The following TTC1 variants were observed in gnomAD, a reference collection of about 807,000 sequenced individuals.
TTC1 encodes the protein tetratricopeptide repeat protein 1.
Under a neutral mutation model 37.6 loss-of-function variants are expected in TTC1, and 31 were observed. The ratio of observed to expected loss-of-function variants is 0.82; its 90% CI spans 0.62 to 1.11. TTC1 has a LOEUF of 1.11. TTC1 is among the 50% of genes most tolerant of loss of function. The pLI, the probability that TTC1 is intolerant of heterozygous loss-of-function variation, is 0.00. For synonymous variants in TTC1, 127 were observed against 122.4 expected (o/e 1.04, Z -0.25); for missense variants, 351 against 339.0 (o/e 1.04, Z -0.28).
chr5:160,042,894 T>C (rs1757125302), intron 4 of TTC1, among the ~76,000 whole-genome samples: 1 of 152,194 alleles, frequency 6.6e-6, no homozygotes. Flanking sequence ...CAAAAGACAC[T>C]TTCAGAAAAA....
At chr5:160,034,643 A>G (rs1009357031) in intron 2 of TTC1, among the ~76,000 whole-genome samples, 17 of 152,170 alleles carry the variant, frequency 1.1e-4, no homozygotes, top group African/African-American at 3.6e-4. Context: ...AGCTTTATGT[A>G]TATTATGACA....
rs113708143 is a variant in TTC1, at chr5:160,046,270, C to T, written c.541+3101C>T. ...GCAGTTTCATCTTGCTCAATTTAGT[C>T]GTTGCTTCTCTAGCCTAACTTTACT... On this transcript the variant is annotated intron_variant, in intron 5 of 7. Coordinates refer to ENST00000231238, the MANE Select transcript of TTC1 (RefSeq NM_003314.3). 8.8e-3 allele frequency among the ~76,000 whole-genome samples: 1,338 copies of T among 152,284 alleles called. 19 individuals carry two copies. Among genetic ancestry groups the T allele is most frequent in the African/African-American group, 0.031 (1,271 of 41,542 alleles).
rs1256413317 is a variant in TTC1, at chr5:160,010,519, A to G, written c.-10A>G. 5.6e-6 allele frequency: 9 copies of G among 1,607,028 alleles called. No homozygotes were observed. Among genetic ancestry groups the G allele is most frequent in the Non-Finnish European group, 6.0e-6 (7 of 1,174,776 alleles). On this transcript the variant is annotated 5_prime_UTR_variant, in exon 2 of 8. Transcript: ENST00000231238. ...CCCCAGCTTTAGCGTCACCTCCCTC[A>G]CTGGGCAGCATGGGGGAGAAGTCAG...
intron 4 of TTC1, among the ~76,000 whole-genome samples, chr5:160,039,867 G>A (rs540205884): frequency 6.6e-6 from 1 of 152,260 alleles, no homozygotes; most frequent in African/African-American, 2.4e-5. Context: ...ATAAAAAAAG[G>A]TCCCAGATGA....
At position 160,057,792 on chromosome 5, in the gene TTC1, CAG is replaced by C. The variant is rs1757581152; in HGVS notation, c.745+6612_745+6613del. Among the ~76,000 whole-genome samples, 1 of 152,124 alleles carries C rather than the reference CAG, an allele frequency of 6.6e-6. No individual in the cohort carries two copies. The highest frequency in any genetic ancestry group is 2.4e-5 in the African/African-American group (1 of 41,430). On this transcript the variant is annotated intron_variant, in intron 7 of 7. Transcript: ENST00000231238. This position sits in a 1 kb window ranked among gnomAD's most constrained non-coding sequence, Gnocchi z 4.4. ...TGTGCGTGTGTGTGTGTGTGTGACA[CAG>C]AGCCTCATTCTGTCGCCAGGCTGGA... is the stretch of plus-strand genomic sequence containing the variant.
At chr5:160,030,499 G>A (rs1756890227) in intron 2 of TTC1, among the ~76,000 whole-genome samples, 1 of 152,196 alleles carries the variant, frequency 6.6e-6, no homozygotes, top group African/African-American at 2.4e-5. Flanking sequence ...CAAATGAGCT[G>A]ATGTATGTGA....
chr5:160,029,337 C>T (rs1756864754), intron 2 of TTC1, among the ~76,000 whole-genome samples: 1 of 151,944 alleles, frequency 6.6e-6, no homozygotes, highest in Non-Finnish European at 1.5e-5. Flanking sequence ...AACACTATTC[C>T]ACACTAAAAG....
intron 7 of TTC1, among the ~76,000 whole-genome samples, chr5:160,051,816 T>C (rs1214825150): frequency 6.6e-6 from 1 of 152,252 alleles, no homozygotes; most frequent in African/African-American, 2.4e-5. Flanking sequence ...CTTAAGTCTT[T>C]TCCACATGTA....
chr5:160,062,278 TG>T (rs2113423346), intron 7 of TTC1, among the ~76,000 whole-genome samples: 1 of 152,350 alleles, frequency 6.6e-6, no homozygotes, highest in South Asian at 2.1e-4. Flanking sequence ...ATGGTCTTTC[TG>T]CACTAGAGGG....
intron 7 of TTC1, among the ~76,000 whole-genome samples, chr5:160,052,997 CATGA>C (rs1320819036): frequency 6.6e-6 from 1 of 152,072 alleles, no homozygotes; most frequent in Non-Finnish European, 1.5e-5. Context: ...GTATAAAAAT[CATGA>C]ATAAGATACT....
chr5:160,045,275 AAGG>A (rs1561634528), intron 5 of TTC1, among the ~76,000 whole-genome samples: 1 of 152,128 alleles, frequency 6.6e-6, no homozygotes, highest in Admixed American at 6.6e-5. Flanking sequence ...AAATGAGGGA[AAGG>A]AGAAGAAAGT....
rs1273412402 is a variant in TTC1, at chr5:160,010,414, T to G, written c.-29-86T>G. 33 of 783,826 alleles carry G rather than the reference T, an allele frequency of 4.2e-5. No individual in the cohort carries two copies. In the East Asian group the frequency reaches 8.6e-4, roughly 21 times the overall value. The allele number at this position is 783,826 out of a possible 1,614,324, so 48.6% of individuals were successfully genotyped here. Reference sequence around the variant, plus strand: ...GAAATTACGGTGTGTTTTTTGGCTGTAATGCAGAGGTTTGTTTAGGTTTGA... The same window carrying G: ...GAAATTACGGTGTGTTTTTTGGCTGGAATGCAGAGGTTTGTTTAGGTTTGA... On this transcript the variant is annotated intron_variant, in intron 1 of 7. Coordinates refer to ENST00000231238, the MANE Select transcript of TTC1 (RefSeq NM_003314.3).
chr5:160,042,076 C>T (rs539847315), intron 4 of TTC1, among the ~76,000 whole-genome samples: 81 of 152,230 alleles, frequency 5.3e-4, no homozygotes, highest in African/African-American at 1.9e-3. Context: ...ACTACAGGCA[C>T]CCACCACCAC....
At chr5:160,055,549 G>A (rs1757521959) in intron 7 of TTC1, among the ~76,000 whole-genome samples, 2 of 152,244 alleles carry the variant, frequency 1.3e-5, no homozygotes, top group Admixed American at 1.3e-4. Context: ...CAGCACCTGA[G>A]AACCTGCCAA....
rs1469235226 is a variant in TTC1 at position 160,048,149 on chromosome 5, T to C, written c.542-1365T>C. ...TGCTTTTTTTTTTTTTTTTTTTTTT[T>C]TTTTTTTTTTTTTGGGACAGAGTAT... On this transcript the variant is annotated intron_variant, in intron 5 of 7. Transcript: ENST00000231238. Among the ~76,000 whole-genome samples the C allele has an allele frequency of 2.9e-5, 4 of 136,516 alleles. No homozygotes were observed. In the East Asian group the frequency reaches 8.5e-4, roughly 29 times the overall value. The allele number at this position is 136,516 out of a possible 152,430, so 89.6% of individuals were successfully genotyped here.
chr5:160,048,121 C>A (rs1172308657), intron 5 of TTC1, among the ~76,000 whole-genome samples: 3 of 99,494 alleles, frequency 3.0e-5, no homozygotes, highest in Admixed American at 1.3e-4. Context: ...AGAGCCAAGA[C>A]ATTGCTTTTT....
In TTC1 at chr5:160,049,556, G is replaced by C; in HGVS notation, c.584G>C (p.Arg195Thr). ...NPSYIRAILR[R>T]AELYEKTDKL... is the part of the protein sequence containing the mutation. ...AGCTATATCAGGGCAATATTGAGGA[G>C]AGCAGAGTTGTATGAGAAGACGGAC... Residue 195 changes from arginine (R) to threonine (T), a missense_variant, in exon 6 of 8, where the codon AGA becomes ACA. Physicochemically the swap from Arg to Thr is moderately conservative, Grantham distance 71. Coordinates refer to ENST00000231238, the MANE Select transcript of TTC1 (RefSeq NM_003314.3). The C allele has an allele frequency of 1.2e-6, 2 of 1,609,208 alleles. No homozygotes were observed. The highest frequency in any genetic ancestry group is 1.7e-6 in the Non-Finnish European group (2 of 1,178,320).
chr5:160,058,359 A>T (rs1757600127), intron 7 of TTC1, among the ~76,000 whole-genome samples: 1 of 151,744 alleles, frequency 6.6e-6, no homozygotes, highest in Non-Finnish European at 1.5e-5. Flanking sequence ...ACTCCTGTTA[A>T]TGTTGGTATT....
intron 2 of TTC1, among the ~76,000 whole-genome samples, chr5:160,029,590 G>A (rs1756870718): frequency 6.6e-6 from 1 of 152,048 alleles, no homozygotes; most frequent in Non-Finnish European, 1.5e-5. Context: ...TGAGGCTGCA[G>A]TGAGCCATGA....
Sources: allele counts gnomAD v4.1 joint callset (sites outside exome capture counted in the v4.1 genomes callset), GRCh38; gene constraint gnomAD v4.1.1; non-coding constraint Gnocchi (gnomAD v3.1); transcripts MANE v1.5; gene names NCBI Gene and HGNC (gene_info 2026-07-23, HGNC 2026-07-21).